The following MEIS1 variants were observed in gnomAD, a reference collection of about 807,000 sequenced individuals.
MEIS1 encodes the protein homeobox protein Meis1.
A neutral mutation model predicts 50.8 loss-of-function variants in MEIS1; 5 were observed. The ratio of observed to expected loss-of-function variants is 0.10; its 90% CI spans 0.05 to 0.21. The LOEUF (loss-of-function observed/expected upper bound fraction) is 0.21, where lower values mean the gene tolerates loss of function less well. Among genes scored for constraint, MEIS1 ranks in the 10% least tolerant of loss-of-function variants. The pLI is 1.00. For missense variants in MEIS1, 318 were observed against 517.3 expected, an observed-to-expected ratio of 0.61 and a Z score of 3.74; for synonymous variants, 176 against 179.3, an observed-to-expected ratio of 0.98 and a Z score of 0.15.
At chr2:66,503,288 C>T (rs939307018) in intron 7 of MEIS1, among the ~76,000 whole-genome samples, 4 of 152,202 alleles carry the variant, frequency 2.6e-5, no homozygotes, top group African/African-American at 9.7e-5. Context: ...GCTCCTCTTA[C>T]CTCTCCAGCC....
chr2:66,437,770 G>GGA lies in MEIS1; in HGVS notation c.48_49dup (p.Val17GlufsTer2). On this transcript the variant is annotated frameshift_variant, in exon 2 of 13. Coordinates refer to ENST00000272369, the MANE Select transcript of MEIS1 (RefSeq NM_002398.3). LOFTEE classifies it high-confidence loss of function. ...TCTACCCCATTACGGGGGCATGGAT[G>GGA]GAGTAGGCATCCCCTCCACGATGTA... The GGA allele has an allele frequency of 6.2e-7, 1 of 1,613,894 alleles. No homozygotes were observed. Among genetic ancestry groups the GGA allele is most frequent in the Non-Finnish European group, 8.5e-7 (1 of 1,179,876 alleles).
At chr2:66,473,898 A>G in intron 7 of MEIS1, among the ~76,000 whole-genome samples, 1 of 152,126 alleles carries the variant, frequency 6.6e-6, no homozygotes. Context: ...CAGATGCTCA[A>G]TTCCCTGCTA....
intron 7 of MEIS1, among the ~76,000 whole-genome samples, chr2:66,485,214 A>G (rs570052178): frequency 3.9e-4 from 59 of 152,154 alleles, no homozygotes; most frequent in Admixed American, 3.3e-3. Context: ...CCATCAACCC[A>G]TCATCTACAT....
chr2:66,526,286 A>G (rs1417741429), intron 8 of MEIS1, among the ~76,000 whole-genome samples: 3 of 152,172 alleles, frequency 2.0e-5, no homozygotes. Context: ...TAGGTCATTT[A>G]CTTTGGTCTA....
intron 7 of MEIS1, among the ~76,000 whole-genome samples, chr2:66,479,041 G>T (rs1035689065): frequency 2.6e-5 from 4 of 152,176 alleles, no homozygotes; most frequent in African/African-American, 9.7e-5. Context: ...AATCATAATT[G>T]TTATAACAAG....
intron 1 of MEIS1, 103 bp from the exon 2 acceptor site, chr2:66,437,634 A>G (rs1671832123): frequency 2.0e-6 from 2 of 982,016 alleles, no homozygotes; most frequent in African/African-American, 3.2e-5. Context: ...TTCCGGGTGG[A>G]AGGACCCAGC....
intron 10 of MEIS1, 142 bp from the exon 11 acceptor site, chr2:66,568,525 T>TA: frequency 2.3e-6 from 1 of 439,708 alleles, no homozygotes. Context: ...TGAGAGAAAT[T>TA]TCACTTTGAA....
chr2:66,567,402 C>T (rs1486541297), intron 9 of MEIS1, 51 bp from the exon 10 acceptor site: 2 of 1,571,496 alleles, frequency 1.3e-6, no homozygotes, highest in Non-Finnish European at 1.7e-6. Context: ...TTCCTCAACC[C>T]CCCCTTTTAT....
chr2:66,440,594 T>C lies in MEIS1; in HGVS notation c.414T>C (p.Asn138=). The C allele has an allele frequency of 6.2e-7, 1 of 1,612,792 alleles. No individual in the cohort carries two copies. The highest frequency in any genetic ancestry group is 1.1e-5 in the South Asian group (1 of 90,590). Residue 138 remains asparagine, a synonymous_variant, in exon 4 of 13, where the codon AAT becomes AAC. Coordinates refer to ENST00000272369, the MANE Select transcript of MEIS1 (RefSeq NM_002398.3). ...CAGAAAAACCTCTATTTTCTTCTAA[T>C]CCAGAACTGGATAACTTGGTAAGAG... ...IRAEKPLFSS[N]PELDNLMIQA...
chr2:66,495,315 A>G (rs1261466789), intron 7 of MEIS1, among the ~76,000 whole-genome samples: 2 of 152,130 alleles, frequency 1.3e-5, no homozygotes, highest in Non-Finnish European at 2.9e-5. Flanking sequence ...GTCTTTTGAC[A>G]AGAGAGAAGA....
Position 66,439,396 on chromosome 2 carries a change from C to T in MEIS1, c.240-447C>T, listed in dbSNP as rs1162198221. 4.7e-6 allele frequency: 6 copies of T among 1,264,884 alleles called. No homozygotes were observed. In the Admixed American group the frequency reaches 1.6e-4, roughly 33 times the overall value. The allele number at this position is 1,264,884 out of a possible 1,614,324, so 78.4% of individuals were successfully genotyped here. A position where few individuals can be genotyped will look rare whatever the true frequency, so the allele number is the denominator to read the frequency against. ...GCGCCTGCCACCGAGATCCCCCGAG[C>T]CTGGGCTTCGCGCGGCCGCCTAGGA... On this transcript the variant is annotated intron_variant, in intron 2 of 12. Coordinates refer to ENST00000272369, the MANE Select transcript of MEIS1 (RefSeq NM_002398.3).
At chr2:66,556,042 G>A (rs1182502260) in intron 9 of MEIS1, among the ~76,000 whole-genome samples, 5 of 151,640 alleles carry the variant, frequency 3.3e-5, no homozygotes, top group Non-Finnish European at 5.9e-5. Context: ...AGGGGAAAGA[G>A]GACATACAAA....
intron 8 of MEIS1, 69 bp downstream of exon 8, chr2:66,512,363 G>C: frequency 6.7e-7 from 1 of 1,482,356 alleles, no homozygotes; most frequent in Non-Finnish European, 9.0e-7. Flanking sequence ...ACAAAAAAAT[G>C]AGAAAAAAGT....
At chr2:66,437,565 C>A in intron 1 of MEIS1, 172 bp from the exon 2 acceptor site, 1 of 632,736 alleles carries the variant, frequency 1.6e-6, no homozygotes. Flanking sequence ...GTATTTTTTA[C>A]TTAAAGCTTT....
chr2:66,524,777 A>C (rs1290635913), intron 8 of MEIS1, among the ~76,000 whole-genome samples: 7 of 152,214 alleles, frequency 4.6e-5, no homozygotes, highest in Admixed American at 4.6e-4. Context: ...CAAATTTATC[A>C]TGTGATTTAA....
intron 7 of MEIS1, among the ~76,000 whole-genome samples, chr2:66,485,047 G>C (rs747390769): frequency 4.5e-4 from 69 of 151,816 alleles, no homozygotes; most frequent in Non-Finnish European, 5.7e-4. Context: ...TGATTTTTTT[G>C]TTGTTGTTTA....
chr2:66,471,115 C>G (rs1672751654), intron 7 of MEIS1, among the ~76,000 whole-genome samples: 4 of 152,174 alleles, frequency 2.6e-5, no homozygotes, highest in Admixed American at 2.6e-4. Flanking sequence ...TGAAGGTCAG[C>G]TAGACAGTTG....
chr2:66,498,259 A>G (rs780776131), intron 7 of MEIS1, among the ~76,000 whole-genome samples: 14 of 152,152 alleles, frequency 9.2e-5, no homozygotes, highest in Non-Finnish European at 1.8e-4. Context: ...ACATTTTTAT[A>G]TAGCTGATTT....
chr2:66,544,283 A>C (rs1674734500), intron 8 of MEIS1, among the ~76,000 whole-genome samples: 1 of 152,164 alleles, frequency 6.6e-6, no homozygotes, highest in African/African-American at 2.4e-5. Context: ...AGTCTATAAA[A>C]GAATAACTCA....
Sources: gnomAD v4.1 joint callset for allele counts (sites outside exome capture counted in the v4.1 genomes callset) on GRCh38, gnomAD v4.1.1 for gene constraint, MANE v1.5 for transcripts, NCBI Gene and HGNC (gene_info 2026-07-23, HGNC 2026-07-21) for gene names.